Variants in CMYA5 observed in about 807,000 individuals in gnomAD.
CMYA5 encodes cardiomyopathy associated 5.
A neutral mutation model predicts 318.9 loss-of-function variants in CMYA5; 246 were observed. That is an observed-to-expected ratio of 0.77 (90% CI 0.70 to 0.86). The LOEUF is 0.86. Among genes scored for constraint, CMYA5 ranks in the 40% least tolerant of loss-of-function variants. The probability of loss-of-function intolerance (pLI) is 0.00; values close to 1 mark genes in which losing one functional copy is unlikely to be tolerated. For synonymous variants in CMYA5, 1,641 were observed against 1,729.5 expected, an observed-to-expected ratio of 0.95 and a Z score of 1.27; for missense variants, 4,589 against 4,678.2, an observed-to-expected ratio of 0.98 and a Z score of 0.56.
intron 9 of CMYA5, among the ~76,000 whole-genome samples, chr5:79,767,009 C>T (rs1049663202): frequency 3.9e-5 from 6 of 152,142 alleles, no homozygotes; most frequent in South Asian, 2.1e-4. Context: ...TTCAGGGATT[C>T]GACTTCTTCC....
chr5:79,771,793 A>C (rs1218759774), intron 9 of CMYA5, among the ~76,000 whole-genome samples: 6 of 152,228 alleles, frequency 3.9e-5, no homozygotes, highest in Admixed American at 3.3e-4. Context: ...GTATGGAGTC[A>C]GGATTCAAAC....
At chr5:79,702,494 A>C (rs1216001655) in intron 1 of CMYA5, among the ~76,000 whole-genome samples, 1 of 152,236 alleles carries the variant, frequency 6.6e-6, no homozygotes, top group Admixed American at 6.5e-5. Context: ...AAAATAAGTC[A>C]GATACAAAGG....
Position 79,799,858 on chromosome 5 carries a change from TCTTTCC to T in CMYA5, c.*243_*248del. 3 of 207,468 alleles carry T rather than the reference TCTTTCC, an allele frequency of 1.4e-5. No individual in the cohort carries two copies. Among genetic ancestry groups the T allele is most frequent in the Non-Finnish European group, 2.6e-5 (3 of 115,048 alleles). The allele number at this position is 207,468 out of a possible 1,614,324, so 12.9% of individuals were successfully genotyped here. A position where few individuals can be genotyped will look rare whatever the true frequency, so the allele number is the denominator to read the frequency against. The stretch of plus-strand genomic sequence containing the variant: ...CTCTTTAGTTTATATAAGTTTGAGT[TCTTTCC>T]TAAATTAAAAGATCTACACTTGAGT... On this transcript the variant is annotated 3_prime_UTR_variant, in exon 13 of 13. Transcript: ENST00000446378.
In CMYA5 at chr5:79,730,191, A is replaced by C; in HGVS notation, c.1426A>C (p.Thr476Pro). The C allele has an allele frequency of 6.2e-7, 1 of 1,613,888 alleles. No homozygotes were observed. Among genetic ancestry groups the C allele is most frequent in the African/African-American group, 1.3e-5 (1 of 75,012 alleles). ...ACCAGTCTCCGCAAAACTGACCCCT[A>C]CCCATCCCAGTGTCAAAGGAGAGAA... Reference protein sequence around the residue: ...AEPVSAKLTPTHPSVKGEKEE... With the variant: ...AEPVSAKLTPPHPSVKGEKEE... The change falls in exon 2 of 13, where the codon ACC becomes CCC. Residue 476 changes from threonine to proline, a missense_variant. Thr to Pro is a conservative substitution (Grantham distance 38). Transcript: ENST00000446378.
At chr5:79,707,383 CTAAGT>C (rs1827294803) in intron 1 of CMYA5, among the ~76,000 whole-genome samples, 1 of 152,074 alleles carries the variant, frequency 6.6e-6, no homozygotes, top group Admixed American at 6.5e-5. Flanking sequence ...AAGATGTTGA[CTAAGT>C]TAATGAATAA....
chr5:79,749,203 C>T (rs1039475227), intron 5 of CMYA5, among the ~76,000 whole-genome samples: 2 of 152,080 alleles, frequency 1.3e-5, no homozygotes, highest in African/African-American at 4.8e-5. Flanking sequence ...TTGGGCTAAC[C>T]ATTATTTTCC....
intron 1 of CMYA5, 127 bp downstream of exon 1, chr5:79,690,183 A>C: frequency 7.7e-7 from 1 of 1,302,578 alleles, no homozygotes; most frequent in South Asian, 1.9e-5. Flanking sequence ...CTCTGGGTGC[A>C]CTGTCGTTTA....
chr5:79,790,366 T>A (rs1829154500), intron 10 of CMYA5, among the ~76,000 whole-genome samples: 1 of 151,908 alleles, frequency 6.6e-6, no homozygotes, highest in Non-Finnish European at 1.5e-5. Context: ...GCCTCTTGGG[T>A]TCAAGCTACT....
At position 79,730,925 on chromosome 5, in the gene CMYA5, G is replaced by A. The variant is rs371756603; in HGVS notation, c.2160G>A (p.Pro720=). 5.3e-4 allele frequency: 854 copies of A among 1,613,954 alleles called. No individual in the cohort carries two copies. Among genetic ancestry groups the A allele is most frequent in the South Asian group, 7.9e-4 (72 of 91,076 alleles). The change falls in exon 2 of 13, where the codon CCG becomes CCA. Residue 720 remains proline (P), a synonymous_variant. Transcript: ENST00000446378. ...SLKKTIDRKS[P]LILKGVSEYM... is the part of the protein sequence containing the mutation. ...AGAAAACAATTGACCGTAAGTCCCC[G>A]TTAATATTGAAAGGTGTTTCTGAGT...
chr5:79,732,396 C>T lies in CMYA5; in HGVS notation c.3631C>T (p.Pro1211Ser), dbSNP rs780657915. ...AAAAGTCAGAAAGGAAGAAATTGTG[C>T]CTGATTCTCAAGAAGCTACAGCACA... ...LSKVRKEEIV[P>S]DSQEATAHVS... The change falls in exon 2 of 13, where the codon CCT becomes TCT. Residue 1211 changes from proline to serine, a missense_variant. Transcript: ENST00000446378. 2 of 1,613,660 alleles carry T rather than the reference C, an allele frequency of 1.2e-6. No homozygotes were observed. Among genetic ancestry groups the T allele is most frequent in the Admixed American group, 3.3e-5 (2 of 59,936 alleles).
In CMYA5 at chr5:79,739,220, G is replaced by A. The variant is rs745432970; in HGVS notation, c.10455G>A (p.Arg3485=). The change falls in exon 2 of 13, where the codon AGG becomes AGA. Residue 3485 remains arginine (R), a synonymous_variant. Transcript: ENST00000446378. ...AACAAAAAGAGTTGGGCAGCGAGAG[G>A]AAAGAAGAAGACCAATTATCATCTG... ...PAEQKELGSE[R]KEEDQLSSEV... The A allele has an allele frequency of 7.4e-6, 12 of 1,612,958 alleles. No individual in the cohort carries two copies. The highest frequency in any genetic ancestry group is 9.3e-6 in the Non-Finnish European group (11 of 1,179,540).
chr5:79,722,911 A>T (rs1278607882), intron 1 of CMYA5, among the ~76,000 whole-genome samples: 1 of 152,202 alleles, frequency 6.6e-6, no homozygotes, highest in East Asian at 1.9e-4. Context: ...ACTAAAAACA[A>T]AAAGAAATTC....
intron 1 of CMYA5, among the ~76,000 whole-genome samples, chr5:79,692,875 C>G (rs1267408249): frequency 6.6e-6 from 1 of 152,190 alleles, no homozygotes; most frequent in African/African-American, 2.4e-5. Flanking sequence ...CATTCATTCA[C>G]TAAACATTCA....
intron 1 of CMYA5, among the ~76,000 whole-genome samples, chr5:79,716,579 A>T (rs1827521925): frequency 6.6e-6 from 1 of 152,260 alleles, no homozygotes; most frequent in Admixed American, 6.5e-5. Flanking sequence ...GTCTCAACTA[A>T]CAAGTAAATT....
At chr5:79,690,196 A>G in intron 1 of CMYA5, 140 bp downstream of exon 1, 1 of 1,269,664 alleles carries the variant, frequency 7.9e-7, no homozygotes, top group Non-Finnish European at 1.0e-6. Flanking sequence ...GTCGTTTAAA[A>G]GAACTTGAAG....
intron 1 of CMYA5, among the ~76,000 whole-genome samples, chr5:79,720,438 T>C (rs1827602088): frequency 6.7e-6 from 1 of 149,382 alleles, no homozygotes; most frequent in African/African-American, 2.5e-5. Context: ...ATTTTTTTTT[T>C]TTTTTTTTTT....
rs755636536 is a variant in CMYA5, at chr5:79,732,025, CAG to C, written c.3264_3265del (p.Lys1089SerfsTer4). 10 of 1,613,838 alleles carry C rather than the reference CAG, an allele frequency of 6.2e-6. No homozygotes were observed. In the Admixed American group the frequency reaches 1.7e-4, roughly 27 times the overall value. On this transcript the variant is annotated frameshift_variant, in exon 2 of 13. Coordinates refer to ENST00000446378, the MANE Select transcript of CMYA5 (RefSeq NM_153610.5). LOFTEE classifies it high-confidence loss of function. Reference sequence around the variant, plus strand: ...AGTCTGCCGCCTTCAACAGATAAATCAGAGAAAGCAGAAATTAAGCCAGAGAT... The same window carrying C: ...AGTCTGCCGCCTTCAACAGATAAATCAGAAAGCAGAAATTAAGCCAGAGAT...
At chr5:79,701,208 A>G (rs566078223) in intron 1 of CMYA5, among the ~76,000 whole-genome samples, 110 of 152,188 alleles carry the variant, frequency 7.2e-4, no homozygotes, top group Non-Finnish European at 1.3e-3. Context: ...GGATTGCGCC[A>G]CTGCACTCCA....
chr5:79,739,268 A>G lies in CMYA5; in HGVS notation c.10503A>G (p.Gln3501=), dbSNP rs1828163422. The G allele has an allele frequency of 6.2e-7, 1 of 1,611,130 alleles. No individual in the cohort carries two copies. The highest frequency in any genetic ancestry group is 1.1e-5 in the South Asian group (1 of 90,194). The part of the protein sequence containing the change: ...LSSEVVTEKA[Q]KELKKSQIDT... ...CTGAGGTAGTAACTGAAAAGGCACA[A>G]AAAGAGCTGAAAAAGTCCCAGATTG... The change falls in exon 2 of 13, where the codon CAA becomes CAG. Residue 3501 remains glutamine (Q), a synonymous_variant. Coordinates refer to ENST00000446378, the MANE Select transcript of CMYA5 (RefSeq NM_153610.5).
Sources: allele counts gnomAD v4.1 joint callset (sites outside exome capture counted in the v4.1 genomes callset), GRCh38; gene constraint gnomAD v4.1.1; transcripts MANE v1.5; gene names NCBI Gene and HGNC (gene_info 2026-07-23, HGNC 2026-07-21).